Variants in DUSP16 observed in about 807,000 individuals in gnomAD.
DUSP16 encodes dual specificity protein phosphatase 16.
Under a neutral mutation model 58.3 loss-of-function variants are expected in DUSP16, and 21 were observed. The ratio of observed to expected loss-of-function variants is 0.36; its 90% CI spans 0.26 to 0.52. The LOEUF is 0.52. Ranked by LOEUF, DUSP16 falls within the 20% of genes least tolerant of loss-of-function variation. DUSP16 has a pLI of 0.94. For synonymous variants in DUSP16, 320 were observed against 323.8 expected, an observed-to-expected ratio of 0.99 and a Z score of 0.12; for missense variants, 726 against 819.0, an observed-to-expected ratio of 0.89 and a Z score of 1.39.
chr12:12,550,862 C>T (rs910603015), intron 1 of DUSP16, among the ~76,000 whole-genome samples: 9 of 151,718 alleles, frequency 5.9e-5, no homozygotes, highest in African/African-American at 1.7e-4. Flanking sequence ...GCACGTGCTG[C>T]ACATGTACCC....
chr12:12,477,496 G>A lies in DUSP16; in HGVS notation c.1335C>T (p.Phe445=), dbSNP rs373426579. 36 of 1,597,218 alleles carry A rather than the reference G, an allele frequency of 2.3e-5. No homozygotes were observed. The highest frequency in any genetic ancestry group is 3.1e-5 in the Non-Finnish European group (36 of 1,170,284). The change falls in exon 7 of 7, where the codon TTC becomes TTT. Residue 445 remains phenylalanine (F), a synonymous_variant. Transcript: ENST00000298573. This position sits in a 1 kb window ranked among gnomAD's most constrained non-coding sequence, Gnocchi z 4.1. ...TLDGTNKLCQ[F]SPVQELSEQT... ...GCTCCGATAGTTCCTGAACAGGGGA[G>A]AACTGGCATAGCTTGTTGGTCCCAT...
chr12:12,561,539 C>A (rs1944903462), intron 1 of DUSP16, among the ~76,000 whole-genome samples: 1 of 152,202 alleles, frequency 6.6e-6, no homozygotes, highest in Non-Finnish European at 1.5e-5. Flanking sequence ...GGCGTCGGGC[C>A]CCCCAACGCC....
chr12:12,477,412 G>A lies in DUSP16; in HGVS notation c.1419C>T (p.Thr473=), dbSNP rs12815760. Residue 473 remains threonine (T), a synonymous_variant, in exon 7 of 7, where the codon ACC becomes ACT. Coordinates refer to ENST00000298573, the MANE Select transcript of DUSP16 (RefSeq NM_030640.3). This position sits in a 1 kb window ranked among gnomAD's most constrained non-coding sequence, Gnocchi z 4.1. ...EEASIPKKLQ[T]ARPSDSQSKR... is the part of the protein sequence containing the mutation. ...TGCTCTGGCTGTCTGAAGGCCTGGC[G>A]GTCTGCAGCTTCTTGGGGATGCTGG... 128,877 of 1,610,170 alleles carry A rather than the reference G, an allele frequency of 0.08. 5,863 individuals carry two copies. Among genetic ancestry groups the A allele is most frequent in the Non-Finnish European group, 0.089 (105,040 of 1,177,802 alleles).
chr12:12,504,544 G>A (rs1018640419), intron 3 of DUSP16, among the ~76,000 whole-genome samples: 7 of 152,054 alleles, frequency 4.6e-5, no homozygotes, highest in Non-Finnish European at 7.4e-5. Context: ...TTACAGGCAT[G>A]AGCCACTGCG....
intron 5 of DUSP16, chr12:12,485,456 T>A (rs2136195391): frequency 6.6e-6 from 1 of 152,336 alleles, no homozygotes; most frequent in East Asian, 1.9e-4. Flanking sequence ...CCAAAAGCAT[T>A]AAATAGAATA....
intron 1 of DUSP16, among the ~76,000 whole-genome samples, chr12:12,521,992 A>G (rs1024495378): frequency 6.6e-6 from 1 of 152,244 alleles, no homozygotes; most frequent in South Asian, 2.1e-4. Context: ...TCACGCGAGT[A>G]CCAGGGCGCA....
chr12:12,497,507 C>T (rs747858946), intron 4 of DUSP16, among the ~76,000 whole-genome samples: 3 of 152,062 alleles, frequency 2.0e-5, no homozygotes, highest in Non-Finnish European at 4.4e-5. Flanking sequence ...GACATAATCT[C>T]GGGTAAGTGA....
intron 1 of DUSP16, among the ~76,000 whole-genome samples, chr12:12,559,245 C>T (rs757080521): frequency 3.3e-5 from 5 of 152,270 alleles, no homozygotes; most frequent in East Asian, 1.9e-4. Flanking sequence ...AGCCAACATT[C>T]GGATTTTCTT....
rs1944231287 is a variant in DUSP16, at chr12:12,521,164, G to A, written c.-66C>T. On this transcript the variant is annotated 5_prime_UTR_variant, in exon 2 of 7. Coordinates refer to ENST00000298573, the MANE Select transcript of DUSP16 (RefSeq NM_030640.3). Reference sequence around the variant, plus strand: ...TGCCACGATGATGTAATGGTGGTGTGCTCAAAGGCTCAGCCACTCCATTGT... The same window carrying A: ...TGCCACGATGATGTAATGGTGGTGTACTCAAAGGCTCAGCCACTCCATTGT... The A allele has an allele frequency of 1.3e-6, 2 of 1,563,880 alleles. No homozygotes were observed. The highest frequency in any genetic ancestry group is 1.7e-6 in the Non-Finnish European group (2 of 1,155,222).
At chr12:12,501,739 C>T (rs1565998640) in intron 3 of DUSP16, among the ~76,000 whole-genome samples, 1 of 152,062 alleles carries the variant, frequency 6.6e-6, no homozygotes, top group African/African-American at 2.4e-5. Flanking sequence ...CGCCTGTAAT[C>T]CCCGCACTTT....
chr12:12,556,135 A>T (rs1944802360), intron 1 of DUSP16, among the ~76,000 whole-genome samples: 1 of 152,232 alleles, frequency 6.6e-6, no homozygotes, highest in Non-Finnish European at 1.5e-5. Context: ...ATTGTTTCCC[A>T]TAGGTTTATC....
chr12:12,515,484 C>T (rs902784660), intron 3 of DUSP16, among the ~76,000 whole-genome samples: 1 of 151,874 alleles, frequency 6.6e-6, no homozygotes, highest in African/African-American at 2.4e-5. Context: ...TGCGCCACCA[C>T]ACCTGGTTAA....
At position 12,476,661 on chromosome 12, in the gene DUSP16, A is replaced by T; in HGVS notation, c.*172T>A. On this transcript the variant is annotated 3_prime_UTR_variant, in exon 7 of 7. Transcript: ENST00000298573. ...AGAGAAGTATTAGCTGATCTCTCAA[A>T]TGCAGATGTTAAGAGAGTAACAACT... 1 of 577,080 alleles carries T rather than the reference A, an allele frequency of 1.7e-6. No individual in the cohort carries two copies. The highest frequency in any genetic ancestry group is 3.0e-6 in the Non-Finnish European group (1 of 336,478). The allele number at this position is 577,080 out of a possible 1,614,324, so 35.7% of individuals were successfully genotyped here.
chr12:12,544,314 C>T (rs1199972562), intron 1 of DUSP16, among the ~76,000 whole-genome samples: 5 of 152,148 alleles, frequency 3.3e-5, no homozygotes, highest in African/African-American at 1.2e-4. Context: ...TTCACTTCTA[C>T]CTAGTATCTC....
At chr12:12,503,854 A>C (rs1943947577) in intron 3 of DUSP16, among the ~76,000 whole-genome samples, 1 of 152,184 alleles carries the variant, frequency 6.6e-6, no homozygotes, top group African/African-American at 2.4e-5. Flanking sequence ...TCCCCCTAAA[A>C]TATATTAATA....
intron 3 of DUSP16, among the ~76,000 whole-genome samples, chr12:12,515,571 G>A (rs1420720384): frequency 3.3e-5 from 5 of 151,194 alleles, no homozygotes; most frequent in African/African-American, 4.9e-5. Flanking sequence ...CAGGTGATCC[G>A]CCCGCCTCGG....
intron 1 of DUSP16, among the ~76,000 whole-genome samples, chr12:12,541,677 T>C (rs1229358884): frequency 6.6e-6 from 1 of 152,208 alleles, no homozygotes; most frequent in Non-Finnish European, 1.5e-5. Flanking sequence ...TTTCTCTGTC[T>C]ACATGTGTTC....
intron 4 of DUSP16, among the ~76,000 whole-genome samples, chr12:12,497,709 C>T (rs1199896040): frequency 6.6e-6 from 1 of 150,578 alleles, no homozygotes; most frequent in Non-Finnish European, 1.5e-5. Context: ...CGGTGGCTCA[C>T]GCCTGTAATC....
chr12:12,512,704 A>T (rs1944096433), intron 3 of DUSP16, among the ~76,000 whole-genome samples: 2 of 152,124 alleles, frequency 1.3e-5, no homozygotes, highest in Non-Finnish European at 2.9e-5. Context: ...TGCATACAGC[A>T]TCTATTTTTA....
Sources: gnomAD v4.1 joint callset for allele counts (sites outside exome capture counted in the v4.1 genomes callset) on GRCh38, gnomAD v4.1.1 for gene constraint, Gnocchi (gnomAD v3.1) non-coding constraint, MANE v1.5 for transcripts, NCBI Gene and HGNC (gene_info 2026-07-23, HGNC 2026-07-21) for gene names.